The following INO80C variants were observed in gnomAD, a reference collection of about 807,000 sequenced individuals.
INO80C encodes the protein IES6 homolog.
In INO80C, 17 loss-of-function variants were observed where a neutral mutation model predicts 17.7. The ratio of observed to expected loss-of-function variants is 0.96; its 90% CI spans 0.66 to 1.44. INO80C has a LOEUF of 1.44. Ranked by LOEUF, INO80C falls within the 40% of genes most tolerant of loss-of-function variation. The pLI, the probability that INO80C is intolerant of heterozygous loss-of-function variation, is 0.00. For missense variants in INO80C, 244 were observed against 245.0 expected (o/e 1.00, Z 0.03); for synonymous variants, 96 against 95.8 (o/e 1.00, Z -0.01).
intron 4 of INO80C, among the ~76,000 whole-genome samples, chr18:35,477,465 T>C (rs2045750683): frequency 6.6e-6 from 1 of 152,210 alleles, no homozygotes; most frequent in African/African-American, 2.4e-5. Flanking sequence ...TTCATTAAAA[T>C]GTAAAGTACT....
intron 1 of INO80C, among the ~76,000 whole-genome samples, chr18:35,496,493 G>T (rs1207985069): frequency 6.6e-6 from 1 of 152,240 alleles, no homozygotes; most frequent in Non-Finnish European, 1.5e-5. Context: ...TCTTAGAAAT[G>T]CTATCTTGAT....
In INO80C at chr18:35,468,515, G is replaced by T; in HGVS notation, c.*96C>A. On this transcript the variant is annotated 3_prime_UTR_variant, in exon 5 of 5. Coordinates refer to ENST00000334598, the MANE Select transcript of INO80C (RefSeq NM_194281.4). ...CCAAGGCACAGCACTGGCATTTTCA[G>T]ATTGACAGCAGAACGAGTTTGTTTC... 1 of 1,580,682 alleles carries T rather than the reference G, an allele frequency of 6.3e-7. No individual in the cohort carries two copies. The highest frequency in any genetic ancestry group is 1.1e-5 in the South Asian group (1 of 87,902).
intron 1 of INO80C, among the ~76,000 whole-genome samples, chr18:35,493,214 GCC>G (rs1444087739): frequency 1.3e-5 from 2 of 152,288 alleles, no homozygotes. Context: ...ATAGAACAGT[GCC>G]TGGCATGTAG....
intron 2 of INO80C, among the ~76,000 whole-genome samples, chr18:35,480,178 A>C (rs1042962691): frequency 7.2e-5 from 11 of 152,294 alleles, no homozygotes; most frequent in Non-Finnish European, 1.2e-4. Flanking sequence ...ACCAATGAAA[A>C]GGTTAGGGGA....
intron 4 of INO80C, among the ~76,000 whole-genome samples, chr18:35,469,803 G>A (rs2045648110): frequency 6.6e-6 from 1 of 152,188 alleles, no homozygotes. Flanking sequence ...GCAACGCAGA[G>A]TACACAGAGG....
Position 35,479,307 on chromosome 18 carries a change from ATCGT to A in INO80C, c.368_371del (p.Asn123IlefsTer61). ...AGGCTCTAGACAGCTCACAGTTAGGATCGTTCAGTTGCCACGGCAATGCCCTTTC... is the reference window on the plus strand; with the variant it reads ...AGGCTCTAGACAGCTCACAGTTAGGATCAGTTGCCACGGCAATGCCCTTTC... On this transcript the variant is annotated frameshift_variant, in exon 3 of 5. Transcript: ENST00000334598. LOFTEE classifies it high-confidence loss of function. The A allele has an allele frequency of 6.2e-7, 1 of 1,607,522 alleles. No homozygotes were observed. Among genetic ancestry groups the A allele is most frequent in the Non-Finnish European group, 8.5e-7 (1 of 1,173,918 alleles).
At chr18:35,488,471 C>T (rs1346413296) in intron 1 of INO80C, among the ~76,000 whole-genome samples, 1 of 139,586 alleles carries the variant, frequency 7.2e-6, no homozygotes. Flanking sequence ...TCTCTGCAGC[C>T]GTGGCCCAAG....
intron 4 of INO80C, among the ~76,000 whole-genome samples, chr18:35,476,761 G>T (rs2045741965): frequency 6.6e-6 from 1 of 152,108 alleles, no homozygotes; most frequent in East Asian, 1.9e-4. Context: ...AGCACTTTGA[G>T]AGGCTGATGT....
At chr18:35,469,271 A>T (rs1187492242) in intron 4 of INO80C, among the ~76,000 whole-genome samples, 1 of 152,152 alleles carries the variant, frequency 6.6e-6, no homozygotes, top group African/African-American at 2.4e-5. Context: ...CTTCCCCTAG[A>T]ACTGCGGCCA....
intron 1 of INO80C, among the ~76,000 whole-genome samples, chr18:35,491,227 G>T (rs2045929734): frequency 6.6e-6 from 1 of 152,152 alleles, no homozygotes; most frequent in South Asian, 2.1e-4. Context: ...TGCCAGACAG[G>T]GGCCCTCGTT....
intron 1 of INO80C, among the ~76,000 whole-genome samples, chr18:35,490,388 C>T (rs1156719194): frequency 3.3e-5 from 5 of 152,116 alleles, no homozygotes; most frequent in East Asian, 3.8e-4. Context: ...GTAAGCACCA[C>T]GTCAAAAGAA....
Position 35,479,342 on chromosome 18 carries a change from C to A in INO80C, c.337G>T (p.Ala113Ser), listed in dbSNP as rs769397614. The part of the protein sequence containing the change: ...RTWKNLKQIL[A>S]SERALPWQLN... ...TGCCACGGCAATGCCCTTTCAGAAGCGAGGATTTGTTTCAGGTTCTTCCAG... is the reference window on the plus strand; with the variant it reads ...TGCCACGGCAATGCCCTTTCAGAAGAGAGGATTTGTTTCAGGTTCTTCCAG... The change falls in exon 3 of 5, where the codon GCT (alanine) becomes TCT (serine). Residue 113 changes from alanine to serine, a missense_variant. By Grantham distance (99) the Ala-to-Ser change is moderately conservative. Transcript: ENST00000334598. The A allele has an allele frequency of 6.2e-7, 1 of 1,614,064 alleles. No homozygotes were observed. The highest frequency in any genetic ancestry group is 8.5e-7 in the Non-Finnish European group (1 of 1,179,990).
intron 1 of INO80C, chr18:35,489,287 TA>T: frequency 3.5e-6 from 1 of 282,890 alleles, no homozygotes. Context: ...AAGACATACC[TA>T]AGACTGGGTA....
At chr18:35,471,560 C>T (rs1254980131) in intron 4 of INO80C, among the ~76,000 whole-genome samples, 1 of 152,092 alleles carries the variant, frequency 6.6e-6, no homozygotes, top group African/African-American at 2.4e-5. Context: ...TGCGGTCTCT[C>T]ATAAGCATTT....
At chr18:35,477,391 G>T (rs1431274257) in intron 4 of INO80C, among the ~76,000 whole-genome samples, 1 of 152,134 alleles carries the variant, frequency 6.6e-6, no homozygotes, top group East Asian at 1.9e-4. Flanking sequence ...TAATAACAAA[G>T]GAGGCAATTC....
At chr18:35,488,109 T>G (rs1032496383) in intron 1 of INO80C, among the ~76,000 whole-genome samples, 22 of 152,324 alleles carry the variant, frequency 1.4e-4, no homozygotes, top group African/African-American at 4.8e-4. Flanking sequence ...CCTGGCTACT[T>G]TCACAGGCTG....
chr18:35,497,482 C>A, intron 1 of INO80C: 4 of 1,321,232 alleles, frequency 3.0e-6, no homozygotes, highest in Non-Finnish European at 3.9e-6. Flanking sequence ...TCTATTAATA[C>A]TAAGTCAGTA....
chr18:35,491,881 T>C (rs1376118868), intron 1 of INO80C, among the ~76,000 whole-genome samples: 2 of 152,308 alleles, frequency 1.3e-5, no homozygotes, highest in African/African-American at 4.8e-5. Context: ...CGCCCCCTCT[T>C]TGCAGCACTA....
Position 35,468,652 on chromosome 18 carries a change from C to T in INO80C, c.538G>A (p.Gly180Ser), listed in dbSNP as rs753851419. ...GTGGCCTTCCTCAGGGCCAGGTAGC[C>T]GGTGACGACGTCAGAGGGCAGCCTC... Reference protein sequence around the residue: ...IRRLPSDVVTGYLALRKATSI... With the variant: ...IRRLPSDVVTSYLALRKATSI... Residue 180 changes from glycine (G) to serine (S), a missense_variant, in exon 5 of 5, where the codon GGC becomes AGC. Physicochemically the swap from Gly to Ser is moderately conservative, Grantham distance 56. Transcript: ENST00000334598. 5.0e-5 allele frequency: 80 copies of T among 1,613,888 alleles called. No homozygotes were observed. The highest frequency in any genetic ancestry group is 6.1e-5 in the Non-Finnish European group (72 of 1,180,006).
Sources: allele counts gnomAD v4.1 joint callset (sites outside exome capture counted in the v4.1 genomes callset), GRCh38; gene constraint gnomAD v4.1.1; transcripts MANE v1.5; gene names NCBI Gene and HGNC (gene_info 2026-07-23, HGNC 2026-07-21).